Variants in AKAIN1 observed in about 807,000 individuals in gnomAD.
AKAIN1 encodes the protein A-kinase anchor protein inhibitor 1.
AKAIN1 carries 3 observed loss-of-function variants against 3.7 expected under a neutral mutation model. The ratio of observed to expected loss-of-function variants is 0.82; its 90% CI spans 0.37 to 2.12. The LOEUF is 2.12. Among genes scored for constraint, AKAIN1 ranks in the 30% most tolerant of loss-of-function variants. The probability of loss-of-function intolerance (pLI) is 0.06; values close to 1 mark genes in which losing one functional copy is unlikely to be tolerated. For synonymous variants in AKAIN1, 31 were observed against 30.8 expected (o/e 1.01, Z -0.02); for missense variants, 82 against 82.7 (o/e 0.99, Z 0.03).
intron 1 of AKAIN1, among the ~76,000 whole-genome samples, chr18:5,167,370 G>C (rs1362386134): frequency 6.6e-6 from 1 of 152,064 alleles, no homozygotes; most frequent in Admixed American, 6.6e-5. Flanking sequence ...ACTGGCAATG[G>C]AAATGTAACC....
At chr18:5,171,780 G>A (rs1018903028) in intron 1 of AKAIN1, among the ~76,000 whole-genome samples, 1 of 152,084 alleles carries the variant, frequency 6.6e-6, no homozygotes, top group Non-Finnish European at 1.5e-5. Context: ...GAATAGTTTG[G>A]AGGTTCCTCA....
chr18:5,189,593 T>A (rs1188496471), intron 1 of AKAIN1, among the ~76,000 whole-genome samples: 1 of 152,182 alleles, frequency 6.6e-6, no homozygotes, highest in African/African-American at 2.4e-5. Flanking sequence ...TCAGTCCATG[T>A]CCTTGCTACT....
intron 1 of AKAIN1, among the ~76,000 whole-genome samples, chr18:5,156,156 C>T (rs573866317): frequency 5.3e-5 from 8 of 152,178 alleles, no homozygotes; most frequent in African/African-American, 1.9e-4. Flanking sequence ...TCTCAGTTCC[C>T]GGGCATGGTG....
intron 1 of AKAIN1, among the ~76,000 whole-genome samples, chr18:5,195,866 C>T (rs1222935107): frequency 6.6e-6 from 1 of 152,078 alleles, no homozygotes; most frequent in African/African-American, 2.4e-5. Context: ...TCCTTTAAGG[C>T]GTTCCTCTAA....
chr18:5,159,128 C>T (rs2071124761), intron 1 of AKAIN1, among the ~76,000 whole-genome samples: 1 of 150,570 alleles, frequency 6.6e-6, no homozygotes, highest in Non-Finnish European at 1.5e-5. Context: ...GAACAGGTGG[C>T]TTGAAATAGA....
intron 1 of AKAIN1, among the ~76,000 whole-genome samples, chr18:5,171,527 C>G (rs1274725346): frequency 6.6e-6 from 1 of 151,950 alleles, no homozygotes; most frequent in African/African-American, 2.4e-5. Context: ...AAATGGGCAA[C>G]AGATCCGAAT....
chr18:5,161,963 A>G (rs985141530), intron 1 of AKAIN1, among the ~76,000 whole-genome samples: 3 of 152,140 alleles, frequency 2.0e-5, no homozygotes, highest in East Asian at 1.9e-4. Flanking sequence ...GTAGTAAAAG[A>G]TGGAGCTCTT....
intron 1 of AKAIN1, among the ~76,000 whole-genome samples, chr18:5,158,987 A>C (rs560924711): frequency 4.6e-5 from 7 of 152,306 alleles, no homozygotes; most frequent in African/African-American, 1.7e-4. Flanking sequence ...AGAAATACAA[A>C]AATCTTGCTC....
chr18:5,173,917 G>T (rs547347507), intron 1 of AKAIN1, among the ~76,000 whole-genome samples: 2 of 151,930 alleles, frequency 1.3e-5, no homozygotes, highest in South Asian at 2.1e-4. Flanking sequence ...ATTAACTCTG[G>T]GCAGGCTGGG....
Position 5,183,915 on chromosome 18 carries a change from G to C in AKAIN1, c.16+13123C>G, listed in dbSNP as rs1307335540. Among the ~76,000 whole-genome samples the C allele has an allele frequency of 2.0e-5, 3 of 152,154 alleles. No homozygotes were observed. The East Asian group carries it at 5.8e-4, about 29-fold the overall frequency. On this transcript the variant is annotated intron_variant, in intron 1 of 1. Coordinates refer to ENST00000434239, the MANE Select transcript of AKAIN1 (RefSeq NM_001145194.2). ...AGTACTGTAACTCACGGCTGAACAA[G>C]CTGACCTAACACATGTATTTTCTCC...
At chr18:5,194,096 A>G (rs1298598101) in intron 1 of AKAIN1, among the ~76,000 whole-genome samples, 2 of 152,178 alleles carry the variant, frequency 1.3e-5, no homozygotes, top group African/African-American at 4.8e-5. Context: ...TTAGGTATAT[A>G]TGGTACTTAC....
chr18:5,166,471 T>A (rs908021526), intron 1 of AKAIN1, among the ~76,000 whole-genome samples: 1 of 152,030 alleles, frequency 6.6e-6, no homozygotes, highest in African/African-American at 2.4e-5. Context: ...CCAGTGCTGT[T>A]TCACAGAACA....
intron 1 of AKAIN1, among the ~76,000 whole-genome samples, chr18:5,165,102 T>C (rs536811322): frequency 1.4e-4 from 21 of 152,058 alleles, no homozygotes; most frequent in Admixed American, 3.9e-4. Context: ...GCCAGGCTAG[T>C]AGGTAGCAGA....
chr18:5,157,845 C>G (rs184780295), intron 1 of AKAIN1, among the ~76,000 whole-genome samples: 2 of 152,028 alleles, frequency 1.3e-5, no homozygotes, highest in Non-Finnish European at 1.5e-5. Flanking sequence ...CTACGACCAC[C>G]AGCTAATTTT....
chr18:5,188,996 G>A (rs780750043), intron 1 of AKAIN1, among the ~76,000 whole-genome samples: 24 of 152,116 alleles, frequency 1.6e-4, no homozygotes, highest in Middle Eastern at 3.2e-3. Flanking sequence ...TCTTGCACTC[G>A]CAGAATTAGC....
At chr18:5,182,939 C>T (rs559316107) in intron 1 of AKAIN1, among the ~76,000 whole-genome samples, 35 of 152,116 alleles carry the variant, frequency 2.3e-4, no homozygotes, top group South Asian at 4.2e-4. Context: ...GCTGGACATA[C>T]GGAAGATTCT....
chr18:5,147,491 T>A (rs80336262), intron 1 of AKAIN1, among the ~76,000 whole-genome samples: 2,090 of 152,310 alleles, frequency 0.014, 14 homozygotes, highest in Non-Finnish European at 0.022. Context: ...TTTAAAATAA[T>A]CTTTTTGGAT....
chr18:5,158,042 T>C (rs1261239444), intron 1 of AKAIN1, among the ~76,000 whole-genome samples: 1 of 151,994 alleles, frequency 6.6e-6, no homozygotes, highest in African/African-American at 2.4e-5. Flanking sequence ...TCCTCACCTC[T>C]AAAATGGGTA....
At chr18:5,159,857 A>G (rs1217128426) in intron 1 of AKAIN1, among the ~76,000 whole-genome samples, 3 of 152,206 alleles carry the variant, frequency 2.0e-5, no homozygotes, top group Non-Finnish European at 2.9e-5. Context: ...AAGATAAATC[A>G]TCTCCAGAAT....
Sources: gnomAD v4.1 joint callset for allele counts (sites outside exome capture counted in the v4.1 genomes callset) on GRCh38, gnomAD v4.1.1 for gene constraint, MANE v1.5 for transcripts, NCBI Gene and HGNC (gene_info 2026-07-23, HGNC 2026-07-21) for gene names.